The following ZBTB20 variants were observed in gnomAD, a reference collection of about 807,000 sequenced individuals.
ZBTB20 encodes zinc finger and BTB domain-containing protein 20.
A neutral mutation model predicts 56.9 loss-of-function variants in ZBTB20; 9 were observed. The ratio of observed to expected loss-of-function variants is 0.16; its 90% CI spans 0.10 to 0.28. The LOEUF is 0.28. ZBTB20 is among the 10% of genes least tolerant of loss of function. The probability of loss-of-function intolerance (pLI) is 1.00; values close to 1 mark genes in which losing one functional copy is unlikely to be tolerated. For synonymous variants in ZBTB20, 417 were observed against 420.7 expected, an observed-to-expected ratio of 0.99 and a Z score of 0.11; for missense variants, 655 against 1,003.0, an observed-to-expected ratio of 0.65 and a Z score of 4.69.
At chr3:114,634,669 C>T (rs2059154634) in intron 6 of ZBTB20, among the ~76,000 whole-genome samples, 1 of 152,150 alleles carries the variant, frequency 6.6e-6, no homozygotes, top group South Asian at 2.1e-4. Flanking sequence ...AAAGCAGTTG[C>T]ATTTGCATGG....
Position 114,549,359 on chromosome 3 carries a change from C to T in ZBTB20, c.-294-48968G>A, listed in dbSNP as rs75214119. On this transcript the variant is annotated intron_variant, in intron 6 of 11. Coordinates refer to ENST00000675478, the MANE Select transcript of ZBTB20 (RefSeq NM_001348800.3). Reference sequence around the variant, plus strand: ...GGGACAATTACATATAACACTTCTTCTATCAGCCCTATGTTTCTATGTTCT... The same window carrying T: ...GGGACAATTACATATAACACTTCTTTTATCAGCCCTATGTTTCTATGTTCT... Among the ~76,000 whole-genome samples the T allele has an allele frequency of 7.0e-3, 1,069 of 152,248 alleles. 17 individuals carry two copies. Among genetic ancestry groups the T allele is most frequent in the African/African-American group, 0.024 (994 of 41,542 alleles).
At chr3:114,709,718 T>C (rs2063937942) in intron 5 of ZBTB20, among the ~76,000 whole-genome samples, 1 of 152,202 alleles carries the variant, frequency 6.6e-6, no homozygotes, top group African/African-American at 2.4e-5. Context: ...AATGTGATTC[T>C]GAATTATACT....
intron 4 of ZBTB20, among the ~76,000 whole-genome samples, chr3:114,874,671 T>C (rs1480669672): frequency 6.6e-6 from 1 of 152,120 alleles, no homozygotes; most frequent in Non-Finnish European, 1.5e-5. Context: ...CCAGTAACAA[T>C]GCAGCAGTGA....
chr3:114,886,599 A>G (rs767009723), intron 4 of ZBTB20, among the ~76,000 whole-genome samples: 2 of 152,240 alleles, frequency 1.3e-5, no homozygotes, highest in African/African-American at 2.4e-5. Context: ...CTCAACACAC[A>G]TGGATTGACA....
At chr3:114,819,967 T>A (rs1161926512) in intron 4 of ZBTB20, among the ~76,000 whole-genome samples, 1 of 151,918 alleles carries the variant, frequency 6.6e-6, no homozygotes, top group Non-Finnish European at 1.5e-5. Context: ...AACTAGTTAT[T>A]TTGCCTGCAA....
At chr3:114,730,435 T>C (rs1408258830) in intron 5 of ZBTB20, among the ~76,000 whole-genome samples, 1 of 152,150 alleles carries the variant, frequency 6.6e-6, no homozygotes, top group East Asian at 1.9e-4. Flanking sequence ...TATGGGCTGA[T>C]TGTGTCCCCT....
At chr3:115,063,666 CACACACACACACACACAA>C (rs1402766992) in intron 2 of ZBTB20, among the ~76,000 whole-genome samples, 1 of 151,660 alleles carries the variant, frequency 6.6e-6, no homozygotes, top group Admixed American at 6.6e-5. Context: ...CACACACACA[CACACACACACACACACAA>C]ACACACACAC....
At chr3:114,690,813 T>C (rs1032563440) in intron 6 of ZBTB20, among the ~76,000 whole-genome samples, 8 of 152,148 alleles carry the variant, frequency 5.3e-5, no homozygotes, top group Non-Finnish European at 1.0e-4. Flanking sequence ...CAGTGTTACA[T>C]TTGATTTAAG....
intron 4 of ZBTB20, among the ~76,000 whole-genome samples, chr3:114,813,188 T>C (rs2072682299): frequency 6.6e-6 from 1 of 152,244 alleles, no homozygotes; most frequent in Non-Finnish European, 1.5e-5. Context: ...GCCAGGACTG[T>C]GAGGACTGCC....
intron 9 of ZBTB20, 150 bp from the exon 10 acceptor site, chr3:114,380,554 C>CTTGTTTTT: frequency 8.1e-7 from 1 of 1,238,446 alleles, no homozygotes; most frequent in South Asian, 1.6e-5. Context: ...CAAGCTGATT[C>CTTGTTTTT]TTGTTTTTTT....
chr3:114,620,632 T>C (rs1192556151), intron 6 of ZBTB20, among the ~76,000 whole-genome samples: 2 of 152,324 alleles, frequency 1.3e-5, no homozygotes, highest in East Asian at 3.9e-4. Context: ...TCACTGTCAA[T>C]GCACTGACAT....
rs58242110 is a variant in ZBTB20 at position 114,331,105 on chromosome 3, A to ATGTGTGTGTG, written c.*7890_*7899dup. Reference sequence around the variant, plus strand: ...AAGCTTTAGTTTGAGAATAAAATTTATGTGTGTGTGTGTGTGTGTGTGTGT... The same window carrying ATGTGTGTGTG: ...AAGCTTTAGTTTGAGAATAAAATTTATGTGTGTGTGTGTGTGTGTGTGTGTGTGTGTGTGT... On this transcript the variant is annotated 3_prime_UTR_variant, in exon 12 of 12. Coordinates refer to ENST00000675478, the MANE Select transcript of ZBTB20 (RefSeq NM_001348800.3). 0.038 allele frequency: 5,645 copies of ATGTGTGTGTG among 148,650 alleles called. 121 individuals are homozygous for ATGTGTGTGTG. The highest frequency in any genetic ancestry group is 0.049 in the Non-Finnish European group (3,267 of 66,952). 9.2% of individuals were successfully genotyped at this position (148,650 alleles called of 1,614,324 possible). A position where few individuals can be genotyped will look rare whatever the true frequency, so the allele number is the denominator to read the frequency against.
intron 3 of ZBTB20, among the ~76,000 whole-genome samples, chr3:114,957,494 G>A (rs180977812): frequency 8.7e-4 from 132 of 152,210 alleles, no homozygotes; most frequent in Non-Finnish European, 1.5e-3. Flanking sequence ...GGATTATTAG[G>A]AAAATGTATG....
At chr3:114,839,425 A>AAGAAAGAAAGAAAGAG (rs2074271687) in intron 4 of ZBTB20, among the ~76,000 whole-genome samples, 1 of 150,176 alleles carries the variant, frequency 6.7e-6, no homozygotes, top group African/African-American at 2.5e-5. Flanking sequence ...GAAAGAAAGA[A>AAGAAAGAAAGAAAGAG]AGAAAGAAAG....
chr3:114,686,763 G>GT (rs1192187821), intron 6 of ZBTB20, among the ~76,000 whole-genome samples: 3 of 151,976 alleles, frequency 2.0e-5, no homozygotes, highest in Non-Finnish European at 4.4e-5. Flanking sequence ...TCTTGTTCTT[G>GT]TTTTGATCTA....
chr3:114,704,721 C>T (rs1036133167), intron 5 of ZBTB20, among the ~76,000 whole-genome samples: 2 of 152,062 alleles, frequency 1.3e-5, no homozygotes, highest in African/African-American at 4.8e-5. Context: ...CTCTCATTTT[C>T]GCAATGAGGA....
At chr3:114,899,370 A>G (rs2075016414) in intron 4 of ZBTB20, among the ~76,000 whole-genome samples, 1 of 152,132 alleles carries the variant, frequency 6.6e-6, no homozygotes, top group East Asian at 1.9e-4. Flanking sequence ...CCAGCCTCAC[A>G]TAGTGGGGCT....
intron 7 of ZBTB20, among the ~76,000 whole-genome samples, chr3:114,426,387 A>G (rs1486958287): frequency 6.7e-6 from 1 of 148,986 alleles, no homozygotes; most frequent in Admixed American, 6.7e-5. Flanking sequence ...TCCTCACTCC[A>G]AACATATTCT....
intron 5 of ZBTB20, among the ~76,000 whole-genome samples, chr3:114,719,191 A>AGG (rs200154843): frequency 2.3e-5 from 2 of 87,482 alleles, no homozygotes; most frequent in South Asian, 8.8e-4. Context: ...GGGGTTGTGC[A>AGG]GGGGGGGGAA....
Sources: allele counts gnomAD v4.1 joint callset (sites outside exome capture counted in the v4.1 genomes callset), GRCh38; gene constraint gnomAD v4.1.1; transcripts MANE v1.5; gene names NCBI Gene and HGNC (gene_info 2026-07-23, HGNC 2026-07-21).